Variants in KCNQ4 observed in about 807,000 individuals in gnomAD.
KCNQ4 encodes the protein potassium voltage-gated channel subfamily KQT member 4.
In KCNQ4, 31 loss-of-function variants were observed where a neutral mutation model predicts 72.6. The ratio of observed to expected loss-of-function variants is 0.43; its 90% CI spans 0.32 to 0.58. KCNQ4 has a LOEUF of 0.58. KCNQ4 is among the 20% of genes least tolerant of loss of function. KCNQ4 has a pLI of 0.08. For synonymous variants in KCNQ4, 405 were observed against 403.7 expected (o/e 1.00, Z -0.04); for missense variants, 869 against 962.6 (o/e 0.90, Z 1.29).
chr1:40,797,913 C>T (rs1006369109), intron 1 of KCNQ4, among the ~76,000 whole-genome samples: 4 of 151,922 alleles, frequency 2.6e-5, no homozygotes, highest in Non-Finnish European at 5.9e-5. Context: ...TGGGTGCAGG[C>T]GCCGAGGCTG....
chr1:40,787,342 CTGAG>C (rs1343958138), intron 1 of KCNQ4, among the ~76,000 whole-genome samples: 1 of 152,118 alleles, frequency 6.6e-6, no homozygotes. Context: ...GCATTCCAGC[CTGAG>C]TGACAGGATG....
In KCNQ4 at chr1:40,830,583, G is replaced by A. The variant is rs963341392; in HGVS notation, c.1293-501G>A. 5.9e-5 allele frequency among the ~76,000 whole-genome samples: 9 copies of A among 151,648 alleles called. No homozygotes were observed. The South Asian group carries it at 1.0e-3, about 18-fold the overall frequency. On this transcript the variant is annotated intron_variant, in intron 9 of 13. Transcript: ENST00000347132. ...GCACAAGGTGTGTGTGTGCATGCGC[G>A]CACACACACACACCCTCGACTCCAC...
intron 4 of KCNQ4, chr1:40,819,042 A>G: frequency 1.9e-6 from 1 of 529,714 alleles, no homozygotes; most frequent in Admixed American, 3.2e-5. Flanking sequence ...CCCAGGTGGA[A>G]GCCTGAAAGT....
In KCNQ4 at chr1:40,833,072, C is replaced by T. The variant is rs568177070; in HGVS notation, c.1572C>T (p.Asp524=). ...GCTACCAGTGTGAGCTCACGGTGGA[C>T]GACATCATGCCTGCTGTGAAGACAG... ...EKSYQCELTV[D]DIMPAVKTVI... Residue 524 remains aspartate, a synonymous_variant, in exon 11 of 14, where the codon GAC becomes GAT. Transcript: ENST00000347132. 259 of 1,613,058 alleles carry T rather than the reference C, an allele frequency of 1.6e-4. 1 individual carries two copies. Among genetic ancestry groups the T allele is most frequent in the Middle Eastern group, 5.0e-4 (3 of 6,060 alleles).
intron 1 of KCNQ4, among the ~76,000 whole-genome samples, chr1:40,807,646 C>A (rs932696122): frequency 3.9e-5 from 6 of 152,236 alleles, no homozygotes; most frequent in African/African-American, 1.4e-4. Context: ...AGGCTGCCCC[C>A]CTTGTCAGGA....
chr1:40,793,004 CTTTTTTT>C (rs10549805), intron 1 of KCNQ4, among the ~76,000 whole-genome samples: 9 of 109,076 alleles, frequency 8.3e-5, no homozygotes, highest in South Asian at 3.3e-4. Flanking sequence ...TTCTTTCTTT[CTTTTTTT>C]TTTTTTTTTT....
At chr1:40,824,040 G>C in intron 8 of KCNQ4, 57 bp from the exon 9 acceptor site, 14 of 1,536,384 alleles carry the variant, frequency 9.1e-6, no homozygotes, top group Non-Finnish European at 1.1e-5. Flanking sequence ...TGTGCCCACT[G>C]GGTGAGGGGG....
chr1:40,816,259 C>T (rs909684431), intron 1 of KCNQ4, among the ~76,000 whole-genome samples: 8 of 152,164 alleles, frequency 5.3e-5, no homozygotes, highest in African/African-American at 1.7e-4. Context: ...TGTGCATGTT[C>T]AGCACACCCC....
At chr1:40,816,776 G>T (rs1216791204) in intron 1 of KCNQ4, among the ~76,000 whole-genome samples, 1 of 152,230 alleles carries the variant, frequency 6.6e-6, no homozygotes, top group Admixed American at 6.5e-5. Context: ...GGCAGGGGCA[G>T]TTGTCCCAAT....
In KCNQ4 at chr1:40,818,777, C is replaced by T. The variant is rs1648183570; in HGVS notation, c.708+97C>T. The T allele has an allele frequency of 1.2e-5, 16 of 1,375,236 alleles. No individual in the cohort carries two copies. In the South Asian group the frequency reaches 1.7e-4, roughly 15 times the overall value. 85.2% of individuals were successfully genotyped at this position (1,375,236 alleles called of 1,614,324 possible). A position where few individuals can be genotyped will look rare whatever the true frequency, so the allele number is the denominator to read the frequency against. On this transcript the variant is annotated intron_variant, in intron 4 of 13. Transcript: ENST00000347132. ...AGGGCGAGGTCAGAGGGGCTGTCTC[C>T]GTGCTGGGAAGGGGTGTGGCCTGCG...
In KCNQ4 at chr1:40,831,219, C is replaced by T; in HGVS notation, c.1428C>T (p.Pro476=). The change falls in exon 10 of 14, where the codon CCC becomes CCT. Residue 476 remains proline, a synonymous_variant. Coordinates refer to ENST00000347132, the MANE Select transcript of KCNQ4 (RefSeq NM_004700.4). ...AGCAGGTGGGTGAGGCCACCAGCCC[C>T]ACCAAGGTGCAAAAGAGCTGGAGCT... ...SSEQVGEATS[P]TKVQKSWSFN... 6.2e-7 allele frequency: 1 copy of T among 1,609,606 alleles called. No homozygotes were observed. Among genetic ancestry groups the T allele is most frequent in the Non-Finnish European group, 8.5e-7 (1 of 1,178,118 alleles).
intron 11 of KCNQ4, 118 bp from the exon 12 acceptor site, chr1:40,834,849 G>T: frequency 7.2e-7 from 1 of 1,387,966 alleles, no homozygotes; most frequent in Admixed American, 1.8e-5. Context: ...GCTGTTCATG[G>T]TGGCCAAGCA....
intron 1 of KCNQ4, among the ~76,000 whole-genome samples, chr1:40,802,169 G>T (rs995305520): frequency 1.4e-4 from 22 of 152,318 alleles, no homozygotes; most frequent in Middle Eastern, 6.8e-3. Context: ...TCTCCGTAAG[G>T]TGAAATGACT....
At chr1:40,833,833 C>CA (rs200163500) in intron 11 of KCNQ4, among the ~76,000 whole-genome samples, 44,332 of 100,354 alleles carry the variant, frequency 0.44, 7,801 homozygotes, top group East Asian at 0.69. Context: ...CTTGTCTTTG[C>CA]AAAAAAAAAA....
chr1:40,787,404 G>A (rs1647213621), intron 1 of KCNQ4, among the ~76,000 whole-genome samples: 1 of 152,182 alleles, frequency 6.6e-6, no homozygotes, highest in South Asian at 2.1e-4. Flanking sequence ...GCTCAGGAAG[G>A]AGGGAGCTGG....
intron 7 of KCNQ4, 47 bp from the exon 8 acceptor site, chr1:40,822,267 G>A: frequency 1.4e-6 from 2 of 1,471,698 alleles, no homozygotes; most frequent in Non-Finnish European, 1.9e-6. Flanking sequence ...GGTGGGGACT[G>A]AGAGGCCTCA....
intron 12 of KCNQ4, among the ~76,000 whole-genome samples, chr1:40,835,478 C>T (rs1648783556): frequency 6.6e-6 from 1 of 151,970 alleles, no homozygotes; most frequent in Non-Finnish European, 1.5e-5. Flanking sequence ...CTCTGGAATC[C>T]TCCCACATCT....
chr1:40,830,665 G>A (rs1412236198), intron 9 of KCNQ4, among the ~76,000 whole-genome samples: 1 of 152,114 alleles, frequency 6.6e-6, no homozygotes, highest in Non-Finnish European at 1.5e-5. Flanking sequence ...TGCATGGCCA[G>A]GTGAGCTTCC....
chr1:40,799,269 G>A (rs2148301712), intron 1 of KCNQ4, among the ~76,000 whole-genome samples: 1 of 152,350 alleles, frequency 6.6e-6, no homozygotes, highest in East Asian at 1.9e-4. Flanking sequence ...TAGCATGTGG[G>A]ACTGAAGGAT....
Sources: gnomAD v4.1 joint callset for allele counts (sites outside exome capture counted in the v4.1 genomes callset) on GRCh38, gnomAD v4.1.1 for gene constraint, MANE v1.5 for transcripts, NCBI Gene and HGNC (gene_info 2026-07-23, HGNC 2026-07-21) for gene names.